Variants in ZNF418 observed in about 807,000 individuals in gnomAD.
ZNF418 encodes the protein zinc finger protein 418.
A neutral mutation model predicts 32.0 loss-of-function variants in ZNF418; 32 were observed. That is an observed-to-expected ratio of 1.00 (90% CI 0.75 to 1.34). The LOEUF (loss-of-function observed/expected upper bound fraction) is 1.34. ZNF418 is among the 40% of genes most tolerant of loss of function. The pLI is 0.00. For synonymous variants in ZNF418, 276 were observed against 270.7 expected (o/e 1.02, Z -0.19); for missense variants, 804 against 812.5 (o/e 0.99, Z 0.13).
At chr19:57,923,607 C>T (rs1450754300) in intron 4 of ZNF418, among the ~76,000 whole-genome samples, 1 of 151,704 alleles carries the variant, frequency 6.6e-6, no homozygotes, top group Non-Finnish European at 1.5e-5. Flanking sequence ...CCGAGTCTTG[C>T]TCTGTCACCC....
intron 2 of ZNF418, among the ~76,000 whole-genome samples, chr19:57,931,022 G>A (rs563469711): frequency 2.2e-4 from 33 of 151,792 alleles, no homozygotes; most frequent in African/African-American, 5.3e-4. Flanking sequence ...TGATCCACCC[G>A]CCTCAGCCTC....
chr19:57,932,654 A>G (rs759177225), intron 2 of ZNF418: 19 of 1,415,938 alleles, frequency 1.3e-5, no homozygotes, highest in Admixed American at 6.0e-5. Context: ...GGTCTAAGAA[A>G]AGTGGAAAAC....
intron 1 of ZNF418, 42 bp downstream of exon 1, chr19:57,935,119 G>T (rs747117671): frequency 7.7e-6 from 10 of 1,296,278 alleles, no homozygotes; most frequent in Admixed American, 2.9e-5. Context: ...TCAGGATTCG[G>T]GTTAGGATGA....
At chr19:57,931,256 C>A (rs903786835) in intron 2 of ZNF418, among the ~76,000 whole-genome samples, 1 of 151,912 alleles carries the variant, frequency 6.6e-6, no homozygotes, top group African/African-American at 2.4e-5. Flanking sequence ...GACAAGAGTG[C>A]GGTGGCGGGA....
chr19:57,933,239 G>A (rs961497292), intron 2 of ZNF418, among the ~76,000 whole-genome samples: 1 of 152,162 alleles, frequency 6.6e-6, no homozygotes, highest in Non-Finnish European at 1.5e-5. Context: ...CCAAAAACCT[G>A]GTGGTCATAC....
chr19:57,930,564 T>G lies in ZNF418; in HGVS notation c.7-10A>C. On this transcript the variant is annotated splice_polypyrimidine_tract_variant and intron_variant, in intron 2 of 5. Transcript: ENST00000396147. Reference sequence around the variant, plus strand: ...CAAATGCCACAGTGCCCTGCTATGATGGTGACAGATGAAACCACAAACAGC... The same window carrying G: ...CAAATGCCACAGTGCCCTGCTATGAGGGTGACAGATGAAACCACAAACAGC... 1.2e-6 allele frequency: 2 copies of G among 1,613,904 alleles called. No homozygotes were observed. The highest frequency in any genetic ancestry group is 8.5e-7 in the Non-Finnish European group (1 of 1,179,914).
chr19:57,927,018 T>C lies in ZNF418; in HGVS notation c.1163A>G (p.His388Arg), dbSNP rs1227925635. The change falls in exon 4 of 6, where the codon CAT becomes CGT. Residue 388 changes from histidine to arginine, a missense_variant. This residue lies in a region of ZNF418 where 475 missense variants were observed against 458.6 expected (regional missense o/e 1.04). Transcript: ENST00000396147. ...CFSQKGTLTEHHRVHTRERPY... is the reference protein window; with the variant it reads ...CFSQKGTLTERHRVHTRERPY... ...TCGTTCTCTAGTGTGAACTCGATGA[T>C]GTTCAGTTAGGGTGCCCTTTTGACT... The C allele has an allele frequency of 6.2e-7, 1 of 1,614,094 alleles. No homozygotes were observed. The highest frequency in any genetic ancestry group is 1.3e-5 in the African/African-American group (1 of 74,922).
At position 57,933,825 on chromosome 19, in the gene ZNF418, T is replaced by C. The variant is rs566611521; in HGVS notation, c.-3A>G. On this transcript the variant is annotated 5_prime_UTR_variant, in exon 2 of 6. Transcript: ENST00000396147. Reference sequence around the variant, plus strand: ...GGTCCAGTAACCCTCACCTGCATTATGGCAGGAGTTTAAACTCTGATCCTC... The same window carrying C: ...GGTCCAGTAACCCTCACCTGCATTACGGCAGGAGTTTAAACTCTGATCCTC... 22 of 1,614,130 alleles carry C rather than the reference T, an allele frequency of 1.4e-5. No individual in the cohort carries two copies. In the East Asian group the frequency reaches 2.2e-4, roughly 16 times the overall value.
rs1006141787 is a variant in ZNF418 at position 57,927,854 on chromosome 19, C to T, written c.327G>A (p.Leu109=). 9.3e-6 allele frequency: 15 copies of T among 1,613,866 alleles called. No homozygotes were observed. Among genetic ancestry groups the T allele is most frequent in the South Asian group, 3.3e-5 (3 of 91,062 alleles). Residue 109 remains leucine, a synonymous_variant, in exon 4 of 6, where the codon CTG becomes CTA. Coordinates refer to ENST00000396147, the MANE Select transcript of ZNF418 (RefSeq NM_133460.3). ...DHQGTHHKQK[L]HRCEAWGNKL... ...TATTCCCCCATGCCTCACACCTGTG[C>T]AGTTTCTGCTTGTGATGTGTCCCCT...
In ZNF418 at chr19:57,930,533, C is replaced by T; in HGVS notation, c.28G>A (p.Val10Met). MQGTVAFED[V>M]AVNFSQEEWS... The stretch of plus-strand genomic sequence containing the variant: ...TCCTCCTGGGAAAAGTTCACAGCCA[C>T]ATCTTCAAATGCCACAGTGCCCTGC... Residue 10 changes from valine (V) to methionine (M), a missense_variant, in exon 3 of 6, where the codon GTG (valine) becomes ATG (methionine). Val to Met is a conservative substitution (Grantham distance 21). Transcript: ENST00000396147. The T allele has an allele frequency of 6.2e-7, 1 of 1,614,124 alleles. No individual in the cohort carries two copies. Among genetic ancestry groups the T allele is most frequent in the Non-Finnish European group, 8.5e-7 (1 of 1,180,016 alleles).
In ZNF418 at chr19:57,933,866, A is replaced by T; in HGVS notation, c.-44T>A. The T allele has an allele frequency of 1.9e-6, 3 of 1,613,962 alleles. No individual in the cohort carries two copies. The highest frequency in any genetic ancestry group is 3.3e-4 in the Middle Eastern group (2 of 6,062). ...TCTGATCCTCCTTCCTCCTCCCTCA[A>T]ACACAGTGTGTTCTCTTCTTTGCAG... On this transcript the variant is annotated 5_prime_UTR_variant, in exon 2 of 6. It adds an upstream start codon to the 5' untranslated region. Transcript: ENST00000396147.
At chr19:57,928,123 CA>C (rs1164499212) in intron 3 of ZNF418, 76 bp from the exon 4 acceptor site, 47 of 1,257,416 alleles carry the variant, frequency 3.7e-5, no homozygotes, top group African/African-American at 3.3e-4. Context: ...GCGTGTCTGA[CA>C]AACCAAGGAA....
Position 57,925,806 on chromosome 19 carries a change from G to A in ZNF418, c.*344C>T, listed in dbSNP as rs1391873284. ...AATGCCACACAGCTCCAACATAATT[G>A]AGTTTATGCAGATGCTGAAGGTATG... On this transcript the variant is annotated 3_prime_UTR_variant, in exon 4 of 6. Coordinates refer to ENST00000396147, the MANE Select transcript of ZNF418 (RefSeq NM_133460.3). 11 of 229,980 alleles carry A rather than the reference G, an allele frequency of 4.8e-5. No individual in the cohort carries two copies. The highest frequency in any genetic ancestry group is 2.5e-4 in the African/African-American group (11 of 44,278). The allele number at this position is 229,980 out of a possible 1,614,324, so 14.2% of individuals were successfully genotyped here. A position where few individuals can be genotyped will look rare whatever the true frequency, so the allele number is the denominator to read the frequency against.
Position 57,926,130 on chromosome 19 carries a change from A to G in ZNF418, c.*20T>C. On this transcript the variant is annotated 3_prime_UTR_variant, in exon 4 of 6. Coordinates refer to ENST00000396147, the MANE Select transcript of ZNF418 (RefSeq NM_133460.3). ...AGAAGATGCACAGAGGTTTAGCTAA[A>G]GAATTTCCCAAATTTCTTTTCACTT... The G allele has an allele frequency of 6.3e-7, 1 of 1,593,686 alleles. No individual in the cohort carries two copies. The highest frequency in any genetic ancestry group is 1.3e-5 in the African/African-American group (1 of 74,218).
At chr19:57,932,472 C>T in intron 2 of ZNF418, 1 of 1,535,460 alleles carries the variant, frequency 6.5e-7, no homozygotes. Flanking sequence ...AGTCCCAAGT[C>T]ATTCTATGAA....
rs140534445 is a variant in ZNF418, at chr19:57,929,832, G to A, written c.133+596C>T. On this transcript the variant is annotated intron_variant, in intron 3 of 5. Transcript: ENST00000396147. ...CTAGTAGCTGGGACTACAGGCGCCC[G>A]CCACCACGCCCAGCTAATTTTTTTG... Among the ~76,000 whole-genome samples, 725 of 152,086 alleles carry A rather than the reference G, an allele frequency of 4.8e-3. 6 individuals carry two copies. The highest frequency in any genetic ancestry group is 0.017 in the African/African-American group (690 of 41,478).
intron 4 of ZNF418, among the ~76,000 whole-genome samples, chr19:57,923,939 T>C (rs1179127948): frequency 6.6e-6 from 1 of 152,092 alleles, no homozygotes; most frequent in African/African-American, 2.4e-5. Flanking sequence ...ATGTATAGTT[T>C]ACAGAATGTC....
chr19:57,933,420 T>C (rs2123076791), intron 2 of ZNF418, among the ~76,000 whole-genome samples: 1 of 150,572 alleles, frequency 6.6e-6, no homozygotes, highest in Admixed American at 6.6e-5. Context: ...CTACTAAAAA[T>C]ATTAAAAATT....
At position 57,935,020 on chromosome 19, in the gene ZNF418, G is replaced by A. The variant is rs560706432; in HGVS notation, c.-81+141C>T. 1.2e-4 allele frequency: 171 copies of A among 1,418,060 alleles called. No individual in the cohort carries two copies. The African/African-American group carries it at 2.3e-3, about 19-fold the overall frequency. The allele number at this position is 1,418,060 out of a possible 1,614,324, so 87.8% of individuals were successfully genotyped here. On this transcript the variant is annotated intron_variant, in intron 1 of 5. Transcript: ENST00000396147. ...TCCCCACCGCATCCCACAGGTGTCA[G>A]AAACAAGGACCTCTCCCGCGAACGC...
Sources: gnomAD v4.1 joint callset for allele counts (sites outside exome capture counted in the v4.1 genomes callset) on GRCh38, gnomAD v4.1.1 for gene constraint, gnomAD v4.1.1 regional missense constraint, MANE v1.5 for transcripts, NCBI Gene and HGNC (gene_info 2026-07-23, HGNC 2026-07-21) for gene names.